The following ITGA4 variants were observed in gnomAD, a reference collection of about 807,000 sequenced individuals.
ITGA4 encodes integrin alpha-4.
In ITGA4, 63 loss-of-function variants were observed where a neutral mutation model predicts 133.6. The ratio of observed to expected loss-of-function variants is 0.47; its 90% CI spans 0.38 to 0.58. The LOEUF is 0.58. Ranked by LOEUF, ITGA4 falls within the 20% of genes least tolerant of loss-of-function variation. ITGA4 has a pLI of 0.00. For synonymous variants in ITGA4, 483 were observed against 438.0 expected, an observed-to-expected ratio of 1.10 and a Z score of -1.28; for missense variants, 1,076 against 1,252.7, an observed-to-expected ratio of 0.86 and a Z score of 2.13.
intron 2 of ITGA4, among the ~76,000 whole-genome samples, chr2:181,471,136 A>T (rs975656314): frequency 1.3e-5 from 2 of 152,196 alleles, no homozygotes; most frequent in Non-Finnish European, 2.9e-5. Context: ...TTGTTTCATG[A>T]CTATTTCCAT....
intron 21 of ITGA4, among the ~76,000 whole-genome samples, chr2:181,525,658 G>A (rs748405513): frequency 5.3e-5 from 8 of 152,208 alleles, no homozygotes; most frequent in African/African-American, 9.6e-5. Context: ...GTGAAGTTCA[G>A]AGAAGTGTGA....
At position 181,531,705 on chromosome 2, in the gene ITGA4, G is replaced by A. The variant is rs758362200; in HGVS notation, c.2713G>A (p.Gly905Arg). 6.2e-7 allele frequency: 1 copy of A among 1,604,746 alleles called. No individual in the cohort carries two copies. Among genetic ancestry groups the A allele is most frequent in the African/African-American group, 1.3e-5 (1 of 74,614 alleles). ...PHCLNFLCNF[G>R]KMESGKEASV... Reference sequence around the variant, plus strand: ...TTGTTTAAATTTCTTGTGTAATTTTGGGAAAATGGAAAGTGGAAAAGAAGC... The same window carrying A: ...TTGTTTAAATTTCTTGTGTAATTTTAGGAAAATGGAAAGTGGAAAAGAAGC... The change falls in exon 25 of 28, where the codon GGG becomes AGG. Residue 905 changes from glycine (G) to arginine (R), a missense_variant. This residue lies in a region of ITGA4 where 193 missense variants were observed against 172.3 expected (regional missense o/e 1.12). Transcript: ENST00000397033.
intron 10 of ITGA4, among the ~76,000 whole-genome samples, chr2:181,492,819 A>T (rs1686079323): frequency 6.6e-6 from 1 of 152,252 alleles, no homozygotes; most frequent in Non-Finnish European, 1.5e-5. Flanking sequence ...GTCATTTTGC[A>T]AATAAGGTAA....
intron 15 of ITGA4, among the ~76,000 whole-genome samples, chr2:181,505,847 CAG>C (rs1686381667): frequency 6.6e-6 from 1 of 152,098 alleles, no homozygotes; most frequent in Non-Finnish European, 1.5e-5. Flanking sequence ...AGAATTAAAA[CAG>C]TGGACATGTG....
In ITGA4 at chr2:181,537,483, G is replaced by T. The variant is rs1687202995; in HGVS notation, c.*1956G>T. 2.2e-6 allele frequency: 1 copy of T among 452,960 alleles called. No homozygotes were observed. The highest frequency in any genetic ancestry group is 4.4e-6 in the Non-Finnish European group (1 of 226,340). The allele number at this position is 452,960 out of a possible 1,614,324, so 28.1% of individuals were successfully genotyped here. A position where few individuals can be genotyped will look rare whatever the true frequency, so the allele number is the denominator to read the frequency against. Reference sequence around the variant, plus strand: ...TACCACTTTAAGAAGACAGGGATGGGTTATTCTTTTTTGGCAGGTAGGCTA... The same window carrying T: ...TACCACTTTAAGAAGACAGGGATGGTTTATTCTTTTTTGGCAGGTAGGCTA... On this transcript the variant is annotated 3_prime_UTR_variant, in exon 28 of 28. Coordinates refer to ENST00000397033, the MANE Select transcript of ITGA4 (RefSeq NM_000885.6).
intron 2 of ITGA4, among the ~76,000 whole-genome samples, chr2:181,462,321 T>C (rs1159429199): frequency 2.0e-5 from 3 of 152,206 alleles, no homozygotes; most frequent in African/African-American, 7.2e-5. Flanking sequence ...TTTAGATTTC[T>C]TTCTGGAAAT....
chr2:181,495,429 T>C lies in ITGA4; in HGVS notation c.1385+13T>C. ...CTGTCTTGCTAAGGTAAGACTGATATATTTCACTGCTTAATTGCAATTTGG... is the reference window on the plus strand; with the variant it reads ...CTGTCTTGCTAAGGTAAGACTGATACATTTCACTGCTTAATTGCAATTTGG... On this transcript the variant is annotated intron_variant, in intron 13 of 27. Transcript: ENST00000397033. This position sits in a 1 kb window ranked among gnomAD's most constrained non-coding sequence, Gnocchi z 4.3. 1 of 1,590,736 alleles carries C rather than the reference T, an allele frequency of 6.3e-7. No homozygotes were observed. Among genetic ancestry groups the C allele is most frequent in the Non-Finnish European group, 8.6e-7 (1 of 1,158,966 alleles).
intron 17 of ITGA4, among the ~76,000 whole-genome samples, chr2:181,519,140 A>T (rs557869642): frequency 6.6e-6 from 1 of 152,246 alleles, no homozygotes; most frequent in Admixed American, 6.6e-5. Flanking sequence ...AATGATAAGA[A>T]ACATTTTACA....
intron 2 of ITGA4, among the ~76,000 whole-genome samples, chr2:181,467,874 G>A (rs552761990): frequency 6.6e-6 from 1 of 152,272 alleles, no homozygotes; most frequent in South Asian, 2.1e-4. Flanking sequence ...CTTCTGTAGG[G>A]TAGGATTAAT....
At chr2:181,477,117 C>T (rs1343282727) in intron 4 of ITGA4, among the ~76,000 whole-genome samples, 1 of 152,044 alleles carries the variant, frequency 6.6e-6, no homozygotes, top group Non-Finnish European at 1.5e-5. Context: ...GAACCCTGAA[C>T]CTGAAAGTTT....
rs1559060620 is a variant in ITGA4, at chr2:181,535,543, T to A, written c.*16T>A. On this transcript the variant is annotated 3_prime_UTR_variant, in exon 28 of 28. Transcript: ENST00000397033. ...TGATGATTAAGGACTTCTTTCAAAT[T>A]GAGAGAATGGAAAACAGACTCAGGT... is the stretch of plus-strand genomic sequence containing the variant. 3 of 1,586,368 alleles carry A rather than the reference T, an allele frequency of 1.9e-6. No homozygotes were observed. The African/African-American group carries it at 4.1e-5, about 22-fold the overall frequency.
chr2:181,488,611 T>G (rs1405498027), intron 10 of ITGA4, among the ~76,000 whole-genome samples: 2 of 151,866 alleles, frequency 1.3e-5, no homozygotes, highest in Non-Finnish European at 1.5e-5. Flanking sequence ...CAGGCCAGAG[T>G]GCAGTGGCAT....
intron 25 of ITGA4, among the ~76,000 whole-genome samples, chr2:181,532,816 T>C (rs1686972226): frequency 6.6e-6 from 1 of 152,220 alleles, no homozygotes; most frequent in African/African-American, 2.4e-5. Flanking sequence ...CCTTGTCTTG[T>C]GACGGTTTTC....
chr2:181,458,160 TCAC>T (rs1327315129), intron 1 of ITGA4, 33 bp from the exon 2 acceptor site: 1 of 1,613,484 alleles, frequency 6.2e-7, no homozygotes, highest in Admixed American at 1.7e-5. Context: ...GCAGCACAGC[TCAC>T]GTCTGAGCGC....
chr2:181,533,089 C>G (rs1686978942), intron 25 of ITGA4, among the ~76,000 whole-genome samples: 1 of 152,072 alleles, frequency 6.6e-6, no homozygotes, highest in African/African-American at 2.4e-5. Flanking sequence ...ATATCTTGGA[C>G]TTTTTCCTAC....
chr2:181,458,289 C>T lies in ITGA4; in HGVS notation c.291C>T (p.Pro97=), dbSNP rs1422918559. The T allele has an allele frequency of 6.2e-6, 10 of 1,612,414 alleles. No individual in the cohort carries two copies. The highest frequency in any genetic ancestry group is 1.1e-5 in the South Asian group (1 of 90,618). Residue 97 remains proline, a synonymous_variant, in exon 2 of 28, where the codon CCC becomes CCT. Transcript: ENST00000397033. ...AIYRCRIGKN[P]GQTCEQLQLG... ...ACAGATGCAGGATCGGAAAGAATCCCGGCCAGACGTGCGAACAGCTCCAGC... is the reference window on the plus strand; with the variant it reads ...ACAGATGCAGGATCGGAAAGAATCCTGGCCAGACGTGCGAACAGCTCCAGC...
chr2:181,523,231 C>A lies in ITGA4; in HGVS notation c.2074-206C>A. 1 of 432,036 alleles carries A rather than the reference C, an allele frequency of 2.3e-6. No individual in the cohort carries two copies. Among genetic ancestry groups the A allele is most frequent in the South Asian group, 2.6e-5 (1 of 38,572 alleles). The allele number at this position is 432,036 out of a possible 1,614,324, so 26.8% of individuals were successfully genotyped here. A position where few individuals can be genotyped will look rare whatever the true frequency, so the allele number is the denominator to read the frequency against. Reference sequence around the variant, plus strand: ...ACATATATACACACATATATACATACATATATATACACATACATATATACA... The same window carrying A: ...ACATATATACACACATATATACATAAATATATATACACATACATATATACA... On this transcript the variant is annotated intron_variant, in intron 18 of 27. Coordinates refer to ENST00000397033, the MANE Select transcript of ITGA4 (RefSeq NM_000885.6). The surrounding 1 kb of genome is among the most constrained non-coding windows in gnomAD (Gnocchi z 4.2).
rs1170157456 is a variant in ITGA4 at position 181,538,061 on chromosome 2, A to G, written c.*2534A>G. On this transcript the variant is annotated 3_prime_UTR_variant, in exon 28 of 28. Coordinates refer to ENST00000397033, the MANE Select transcript of ITGA4 (RefSeq NM_000885.6). ...TCATCCTGAAACCATTCCCCCATCC[A>G]CGGAAAAATTGTCTTCCATGAAACT... 2 of 714,038 alleles carry G rather than the reference A, an allele frequency of 2.8e-6. No homozygotes were observed. Among genetic ancestry groups the G allele is most frequent in the Non-Finnish European group, 5.2e-6 (2 of 384,850 alleles). The allele number at this position is 714,038 out of a possible 1,614,324, so 44.2% of individuals were successfully genotyped here. A position where few individuals can be genotyped will look rare whatever the true frequency, so the allele number is the denominator to read the frequency against.
chr2:181,459,880 A>G (rs771356815), intron 2 of ITGA4, among the ~76,000 whole-genome samples: 1 of 152,164 alleles, frequency 6.6e-6, no homozygotes, highest in South Asian at 2.1e-4. Flanking sequence ...GTCTGGATGG[A>G]CACTGAATCT....
Sources: allele counts gnomAD v4.1 joint callset (sites outside exome capture counted in the v4.1 genomes callset), GRCh38; gene constraint gnomAD v4.1.1; regional missense constraint gnomAD v4.1.1; non-coding constraint Gnocchi (gnomAD v3.1); transcripts MANE v1.5; gene names NCBI Gene and HGNC (gene_info 2026-07-23, HGNC 2026-07-21).